POMT1: variants seen among roughly 807,000 people sequenced by gnomAD.
The protein encoded by POMT1 is protein O-mannosyl-transferase 1.
A neutral mutation model predicts 101.6 loss-of-function variants in POMT1; 85 were observed. The ratio of observed to expected loss-of-function variants is 0.84; its 90% CI spans 0.70 to 1.00. The LOEUF (loss-of-function observed/expected upper bound fraction) is 1.00, where lower values mean the gene tolerates loss of function less well. Ranked by LOEUF, POMT1 falls within the 50% of genes least tolerant of loss-of-function variation. POMT1 has a pLI of 0.00. For missense variants in POMT1, 857 were observed against 930.4 expected, an observed-to-expected ratio of 0.92 and a Z score of 1.03; for synonymous variants, 371 against 383.0, an observed-to-expected ratio of 0.97 and a Z score of 0.37.
intron 13 of POMT1, 191 bp from the exon 14 acceptor site, chr9:131,518,254 C>T (rs771082322): frequency 1.5e-5 from 11 of 718,452 alleles, no homozygotes; most frequent in Admixed American, 9.8e-5. Context: ...CAGCGACCCT[C>T]GGAGCAGCCC....
At chr9:131,512,592 G>A (rs750839613) in intron 11 of POMT1, among the ~76,000 whole-genome samples, 6 of 152,052 alleles carry the variant, frequency 3.9e-5, no homozygotes, top group Non-Finnish European at 7.4e-5. Context: ...CCTGCAGCCC[G>A]AGTGGGCTTT....
In POMT1 at chr9:131,522,448, G is replaced by A. The variant is rs1950139971; in HGVS notation, c.2003+224G>A. 1 of 926,416 alleles carries A rather than the reference G, an allele frequency of 1.1e-6. No homozygotes were observed. The highest frequency in any genetic ancestry group is 1.6e-6 in the Non-Finnish European group (1 of 633,028). 57.4% of individuals were successfully genotyped at this position (926,416 alleles called of 1,614,324 possible). A position where few individuals can be genotyped will look rare whatever the true frequency, so the allele number is the denominator to read the frequency against. Reference sequence around the variant, plus strand: ...CGGCTGACAGAGATGAAAGCGGAGTGGGTGGGGAGACGGGGAGGGGATGAA... The same window carrying A: ...CGGCTGACAGAGATGAAAGCGGAGTAGGTGGGGAGACGGGGAGGGGATGAA... On this transcript the variant is annotated intron_variant, in intron 19 of 19. Transcript: ENST00000402686. This position sits in a 1 kb window ranked among gnomAD's most constrained non-coding sequence, Gnocchi z 5.5.
chr9:131,523,577 G>T lies in POMT1; in HGVS notation c.*471G>T. On this transcript the variant is annotated 3_prime_UTR_variant, in exon 20 of 20. Coordinates refer to ENST00000402686, the MANE Select transcript of POMT1 (RefSeq NM_001077365.2). ...GGCGTCCTGGGACAGCTCAGTGTTG[G>T]AGGGCCACCTGAACCACGAGCCAGG... is the stretch of plus-strand genomic sequence containing the variant. 1 of 230,254 alleles carries T rather than the reference G, an allele frequency of 4.3e-6. No individual in the cohort carries two copies. 14.3% of individuals were successfully genotyped at this position (230,254 alleles called of 1,614,324 possible).
Position 131,515,422 on chromosome 9 carries a change from C to G in POMT1, c.1176-4C>G. ...TTTCTGAAATCTCGGTCTTGGTTTT[C>G]CAGGCATGATGTTGCAGCCCCCCTG... On this transcript the variant is annotated splice_region_variant and splice_polypyrimidine_tract_variant and intron_variant, in intron 12 of 19. Transcript: ENST00000402686. 6.2e-7 allele frequency: 1 copy of G among 1,614,138 alleles called. No homozygotes were observed. Among genetic ancestry groups the G allele is most frequent in the Non-Finnish European group, 8.5e-7 (1 of 1,179,954 alleles).
rs1450269181 is a variant in POMT1 at position 131,507,405 on chromosome 9, G to T, written c.318G>T (p.Leu106=). The T allele has an allele frequency of 1.2e-6, 2 of 1,614,096 alleles. No homozygotes were observed. Among genetic ancestry groups the T allele is most frequent in the Non-Finnish European group, 1.7e-6 (2 of 1,180,046 alleles). The stretch of plus-strand genomic sequence containing the variant: ...ACGTGCCTGTGTGGTCCCTGCGCCT[G>T]CTGCCAGCACTCGCGGGGGCCTTGT... ...SSNVPVWSLR[L]LPALAGALSV... The change falls in exon 5 of 20, where the codon CTG becomes CTT. Residue 106 remains leucine (L), a synonymous_variant. Transcript: ENST00000402686.
At chr9:131,512,171 C>T (rs775463968) in intron 11 of POMT1, 35 bp downstream of exon 11, 25 of 1,609,026 alleles carry the variant, frequency 1.6e-5, no homozygotes, top group Non-Finnish European at 2.1e-5. Context: ...GAGCAGAGCT[C>T]ACCTCCTGGC....
chr9:131,510,556 G>T (rs970565094), intron 9 of POMT1, 141 bp downstream of exon 9: 33 of 1,168,686 alleles, frequency 2.8e-5, no homozygotes, highest in Admixed American at 4.0e-5. Flanking sequence ...TTTTTGGTGG[G>T]GGGGATGGAG....
At chr9:131,514,352 C>T (rs1351615135) in intron 12 of POMT1, among the ~76,000 whole-genome samples, 3 of 152,214 alleles carry the variant, frequency 2.0e-5, no homozygotes, top group African/African-American at 4.8e-5. Context: ...CAACCACCTG[C>T]GGGCCCCTTG....
Position 131,510,341 on chromosome 9 carries a change from G to T in POMT1, c.781G>T (p.Val261Phe), listed in dbSNP as rs759734493. The T allele has an allele frequency of 6.2e-7, 1 of 1,614,134 alleles. No homozygotes were observed. The highest frequency in any genetic ancestry group is 2.2e-5 in the East Asian group (1 of 44,896). ...CGTCCTGTACTTACTGTTCTTCTAC[G>T]TCCACTTGATTCTAGTCTTCCGCTC... Reference protein sequence around the residue: ...PVVLYLLFFYVHLILVFRSGP... With the variant: ...PVVLYLLFFYFHLILVFRSGP... Residue 261 changes from valine to phenylalanine, a missense_variant, in exon 9 of 20, where the codon GTC becomes TTC. Coordinates refer to ENST00000402686, the MANE Select transcript of POMT1 (RefSeq NM_001077365.2).
chr9:131,511,297 T>C (rs1947063178), intron 9 of POMT1, 40 bp from the exon 10 acceptor site: 12 of 1,579,776 alleles, frequency 7.6e-6, no homozygotes, highest in Non-Finnish European at 1.0e-5. Context: ...GTCATTTTTC[T>C]TTCTGTCTCT....
rs376180150 is a variant in POMT1, at chr9:131,504,191, C to T, written c.-28C>T. On this transcript the variant is annotated splice_region_variant and 5_prime_UTR_variant, in exon 2 of 20. Transcript: ENST00000402686. ...ACGGCTCCTCCCTTCTTTTCTAGGGCGTCTGCCTGAGCCCGCTTTTCTACA... is the reference window on the plus strand; with the variant it reads ...ACGGCTCCTCCCTTCTTTTCTAGGGTGTCTGCCTGAGCCCGCTTTTCTACA... The T allele has an allele frequency of 6.8e-5, 110 of 1,613,974 alleles. No individual in the cohort carries two copies. The highest frequency in any genetic ancestry group is 9.1e-5 in the Non-Finnish European group (107 of 1,179,932).
chr9:131,519,075 C>T lies in POMT1; in HGVS notation c.1486+118C>T, dbSNP rs1302306465. On this transcript the variant is annotated intron_variant, in intron 15 of 19. Coordinates refer to ENST00000402686, the MANE Select transcript of POMT1 (RefSeq NM_001077365.2). This position sits in a 1 kb window ranked among gnomAD's most constrained non-coding sequence, Gnocchi z 4.3. ...GGGAACTGAGCACATTCTCCATGCTCGGTGGCAGGTCATCTCCCTCCCTGC... is the reference window on the plus strand; with the variant it reads ...GGGAACTGAGCACATTCTCCATGCTTGGTGGCAGGTCATCTCCCTCCCTGC... 8 of 1,495,732 alleles carry T rather than the reference C, an allele frequency of 5.3e-6. No individual in the cohort carries two copies. The highest frequency in any genetic ancestry group is 1.2e-5 in the South Asian group (1 of 84,868). The allele number at this position is 1,495,732 out of a possible 1,614,324, so 92.7% of individuals were successfully genotyped here. A position where few individuals can be genotyped will look rare whatever the true frequency, so the allele number is the denominator to read the frequency against.
intron 13 of POMT1, 150 bp downstream of exon 13, chr9:131,515,672 C>G: frequency 1.3e-6 from 1 of 757,912 alleles, no homozygotes; most frequent in South Asian, 1.4e-5. Flanking sequence ...ACACGGAGCA[C>G]TTCCTCTAAC....
At position 131,522,795 on chromosome 9, in the gene POMT1, A is replaced by T; in HGVS notation, c.2004-137A>T. ...GTGGGAGATGGTCATGGGTGGCAGG[A>T]GACAAGACACAGAAACCTGAAGGCA... On this transcript the variant is annotated intron_variant, in intron 19 of 19. Coordinates refer to ENST00000402686, the MANE Select transcript of POMT1 (RefSeq NM_001077365.2). This position sits in a 1 kb window ranked among gnomAD's most constrained non-coding sequence, Gnocchi z 5.5. The T allele has an allele frequency of 1.1e-6, 1 of 949,468 alleles. No homozygotes were observed. The highest frequency in any genetic ancestry group is 1.6e-6 in the Non-Finnish European group (1 of 618,274). 58.8% of individuals were successfully genotyped at this position (949,468 alleles called of 1,614,324 possible).
intron 2 of POMT1, among the ~76,000 whole-genome samples, chr9:131,505,609 C>T (rs1240963770): frequency 6.6e-6 from 1 of 152,148 alleles, no homozygotes; most frequent in Non-Finnish European, 1.5e-5. Context: ...CATTATCATG[C>T]CTGAGAAATT....
intron 12 of POMT1, 127 bp from the exon 13 acceptor site, chr9:131,515,299 T>G (rs979035953): frequency 1.1e-6 from 1 of 916,056 alleles, no homozygotes. Flanking sequence ...CTCATGGGAC[T>G]GGGCCACCCC....
intron 6 of POMT1, among the ~76,000 whole-genome samples, chr9:131,509,337 G>A (rs1380996244): frequency 6.6e-6 from 1 of 152,108 alleles, no homozygotes; most frequent in Non-Finnish European, 1.5e-5. Flanking sequence ...TTTTAGTGGA[G>A]ACGGGGTTTC....
intron 13 of POMT1, chr9:131,516,559 A>C (rs1948728788): frequency 6.5e-6 from 1 of 153,418 alleles, no homozygotes; most frequent in African/African-American, 2.4e-5. Context: ...ATTCAGATGT[A>C]AAGTTACATA....
Position 131,503,637 on chromosome 9 carries a change from C to T in POMT1, c.-30-552C>T, listed in dbSNP as rs1046641059. On this transcript the variant is annotated intron_variant, in intron 1 of 19. Transcript: ENST00000402686. This position sits in a 1 kb window ranked among gnomAD's most constrained non-coding sequence, Gnocchi z 4.4. ...AGGGAAGATGAAGCCTGGAGGAGAA[C>T]GTGGGGGCGCAGGGTGCAAATGCAC... 6.6e-6 allele frequency among the ~76,000 whole-genome samples: 1 copy of T among 152,142 alleles called. No individual in the cohort carries two copies. Among genetic ancestry groups the T allele is most frequent in the African/African-American group, 2.4e-5 (1 of 41,436 alleles).
Sources: allele counts gnomAD v4.1 joint callset (sites outside exome capture counted in the v4.1 genomes callset), GRCh38; gene constraint gnomAD v4.1.1; non-coding constraint Gnocchi (gnomAD v3.1); transcripts MANE v1.5; gene names NCBI Gene and HGNC (gene_info 2026-07-23, HGNC 2026-07-21).